Variants in PSTPIP1 observed in about 807,000 individuals in gnomAD.
PSTPIP1 encodes the protein proline-serine-threonine phosphatase interacting protein 1.
In PSTPIP1, 66 loss-of-function variants were observed where a neutral mutation model predicts 69.6. The ratio of observed to expected loss-of-function variants is 0.95; its 90% CI spans 0.78 to 1.16. The LOEUF is 1.16. Among genes scored for constraint, PSTPIP1 ranks in the 50% most tolerant of loss-of-function variants. The pLI is 0.00. For synonymous variants in PSTPIP1, 266 were observed against 222.7 expected (o/e 1.19, Z -1.73); for missense variants, 603 against 557.4 (o/e 1.08, Z -0.82).
chr15:77,028,699 G>A (rs2076345781), intron 7 of PSTPIP1, 47 bp downstream of exon 7: 1 of 1,439,672 alleles, frequency 6.9e-7, no homozygotes, highest in African/African-American at 1.4e-5. Context: ...GCTGGGGGCA[G>A]TGGGGGAGGC....
chr15:77,015,725 G>C, intron 1 of PSTPIP1: 1 of 352,892 alleles, frequency 2.8e-6, no homozygotes, highest in Non-Finnish European at 5.6e-6. Context: ...GGAAGTGGCA[G>C]GGGTGGGGGT....
In PSTPIP1 at chr15:77,027,719, G is replaced by A. The variant is rs1441592449; in HGVS notation, c.355-133G>A. On this transcript the variant is annotated intron_variant, in intron 5 of 14. Transcript: ENST00000558012. This position sits in a 1 kb window ranked among gnomAD's most constrained non-coding sequence, Gnocchi z 4.3. ...GTGAAGCAGCAGGCTCTGGGGGAGG[G>A]AGGGCAGCCTGTCACCCTCTCTCCA... 4.9e-6 allele frequency: 5 copies of A among 1,015,392 alleles called. No individual in the cohort carries two copies. The highest frequency in any genetic ancestry group is 1.4e-5 in the South Asian group (1 of 72,724). The allele number at this position is 1,015,392 out of a possible 1,614,324, so 62.9% of individuals were successfully genotyped here.
chr15:76,995,810 GTCC>G (rs1377372936), intron 1 of PSTPIP1, among the ~76,000 whole-genome samples: 3 of 152,184 alleles, frequency 2.0e-5, no homozygotes, highest in African/African-American at 7.2e-5. Context: ...GTGAATGAGC[GTCC>G]TCCTCTCTGC....
chr15:77,011,912 G>A (rs1419871363), intron 1 of PSTPIP1, among the ~76,000 whole-genome samples: 1 of 151,972 alleles, frequency 6.6e-6, no homozygotes, highest in Non-Finnish European at 1.5e-5. Flanking sequence ...CCCTGTCTCT[G>A]CCCCCATGAG....
intron 9 of PSTPIP1, 70 bp from the exon 10 acceptor site, chr15:77,031,110 G>T: frequency 7.6e-6 from 11 of 1,456,490 alleles, no homozygotes; most frequent in Non-Finnish European, 1.1e-5. Flanking sequence ...GCTGAGCTGT[G>T]AATGGGGCCC....
chr15:77,034,470 T>G (rs1020951759), intron 12 of PSTPIP1, among the ~76,000 whole-genome samples: 27 of 152,054 alleles, frequency 1.8e-4, no homozygotes, highest in African/African-American at 6.0e-4. Flanking sequence ...CACCTTGAAT[T>G]GCAGGGCTGC....
Position 77,037,282 on chromosome 15 carries a change from C to G in PSTPIP1, c.*106C>G. On this transcript the variant is annotated 3_prime_UTR_variant, in exon 15 of 15. Coordinates refer to ENST00000558012, the MANE Select transcript of PSTPIP1 (RefSeq NM_003978.5). ...CCCAGAACCAAGCGTCCCCCAGCCC[C>G]GAGAGGGAGCCTGTCGTCTCCCAGG... is the stretch of plus-strand genomic sequence containing the variant. 7.1e-7 allele frequency: 1 copy of G among 1,411,962 alleles called. No homozygotes were observed. Among genetic ancestry groups the G allele is most frequent in the Non-Finnish European group, 9.5e-7 (1 of 1,051,564 alleles). 87.5% of individuals were successfully genotyped at this position (1,411,962 alleles called of 1,614,324 possible). A position where few individuals can be genotyped will look rare whatever the true frequency, so the allele number is the denominator to read the frequency against.
chr15:76,996,230 C>G (rs2075576342), intron 1 of PSTPIP1, among the ~76,000 whole-genome samples: 1 of 152,212 alleles, frequency 6.6e-6, no homozygotes, highest in African/African-American at 2.4e-5. Flanking sequence ...TGCTTACTTT[C>G]TTAAATTCAA....
chr15:77,007,021 G>C (rs924746308), intron 1 of PSTPIP1, among the ~76,000 whole-genome samples: 2 of 152,120 alleles, frequency 1.3e-5, no homozygotes, highest in African/African-American at 4.8e-5. Flanking sequence ...GACTGGCCAC[G>C]AGTCCGTGAC....
At position 77,003,452 on chromosome 15, in the gene PSTPIP1, G is replaced by A. The variant is rs577591958; in HGVS notation, c.36+7843G>A. Among the ~76,000 whole-genome samples, 5 of 152,226 alleles carry A rather than the reference G, an allele frequency of 3.3e-5. No homozygotes were observed. The East Asian group carries it at 9.6e-4, about 29-fold the overall frequency. On this transcript the variant is annotated intron_variant, in intron 1 of 14. Coordinates refer to ENST00000558012, the MANE Select transcript of PSTPIP1 (RefSeq NM_003978.5). Reference sequence around the variant, plus strand: ...GTGGATCATCTGAGGTCAGGGGTTCGAGACCAGCCTGGCCACCATGGTGAA... The same window carrying A: ...GTGGATCATCTGAGGTCAGGGGTTCAAGACCAGCCTGGCCACCATGGTGAA...
chr15:76,999,308 T>G (rs1211565943), intron 1 of PSTPIP1, among the ~76,000 whole-genome samples: 3 of 151,798 alleles, frequency 2.0e-5, no homozygotes, highest in Non-Finnish European at 2.9e-5. Flanking sequence ...AGAAAGAATC[T>G]TACTCTGTCA....
intron 1 of PSTPIP1, among the ~76,000 whole-genome samples, chr15:76,997,038 C>T (rs543937260): frequency 6.6e-6 from 1 of 152,338 alleles, no homozygotes; most frequent in African/African-American, 2.4e-5. Context: ...CTGGGCCTGC[C>T]TTCCCTAGGG....
chr15:77,008,129 G>C (rs1374298153), intron 1 of PSTPIP1: 3 of 452,010 alleles, frequency 6.6e-6, no homozygotes, highest in Non-Finnish European at 1.3e-5. Context: ...TGTCCCTGGA[G>C]CTGCAGTGAA....
chr15:77,022,791 C>T (rs3936040), intron 3 of PSTPIP1, among the ~76,000 whole-genome samples: 26,889 of 152,152 alleles, frequency 0.18, 2,474 homozygotes, highest in South Asian at 0.21. Flanking sequence ...GTTCCAGCAA[C>T]GGGGACAGGG....
intron 8 of PSTPIP1, among the ~76,000 whole-genome samples, chr15:77,029,958 G>A (rs142709708): frequency 3.3e-5 from 5 of 152,236 alleles, no homozygotes; most frequent in Non-Finnish European, 5.9e-5. Flanking sequence ...TCCTTCACTT[G>A]ATGCCCGAAT....
chr15:77,011,078 T>A (rs2075925494), intron 1 of PSTPIP1, among the ~76,000 whole-genome samples: 1 of 152,116 alleles, frequency 6.6e-6, no homozygotes, highest in African/African-American at 2.4e-5. Flanking sequence ...TGCCTCATCA[T>A]TGAGAAGGCC....
In PSTPIP1 at chr15:77,027,873, G is replaced by C; in HGVS notation, c.376G>C (p.Val126Leu). ...GCAGTATGAGGCCGTCATGGACCGG[G>C]TCCAGAAGAGCAAGCTGTCGCTCTA... ...RKKYEAVMDR[V>L]QKSKLSLYKK... Residue 126 changes from valine to leucine, a missense_variant, in exon 6 of 15, where the codon GTC (valine) becomes CTC (leucine). Transcript: ENST00000558012. This position sits in a 1 kb window ranked among gnomAD's most constrained non-coding sequence, Gnocchi z 4.3. 6.4e-7 allele frequency: 1 copy of C among 1,569,866 alleles called. No homozygotes were observed. The highest frequency in any genetic ancestry group is 8.6e-7 in the Non-Finnish European group (1 of 1,158,300).
At chr15:77,035,150 C>T (rs538667821) in intron 12 of PSTPIP1, among the ~76,000 whole-genome samples, 1 of 152,220 alleles carries the variant, frequency 6.6e-6, no homozygotes, top group South Asian at 2.1e-4. Context: ...CCCACGAGGC[C>T]TCAGTGCGGA....
rs777927575 is a variant in PSTPIP1, at chr15:77,035,762, C to T, written c.986-40C>T. On this transcript the variant is annotated intron_variant, in intron 13 of 14. Coordinates refer to ENST00000558012, the MANE Select transcript of PSTPIP1 (RefSeq NM_003978.5). ...TAGTAGGACTTCCAGGGGCCAGTGTCCCCAGAAGGGGAGGGGTCTATGTCT... is the reference window on the plus strand; with the variant it reads ...TAGTAGGACTTCCAGGGGCCAGTGTTCCCAGAAGGGGAGGGGTCTATGTCT... The T allele has an allele frequency of 5.9e-5, 85 of 1,430,508 alleles. 1 individual carries two copies. In the East Asian group the frequency reaches 2.1e-3, roughly 36 times the overall value. 88.6% of individuals were successfully genotyped at this position (1,430,508 alleles called of 1,614,324 possible).
Sources: gnomAD v4.1 joint callset for allele counts (sites outside exome capture counted in the v4.1 genomes callset) on GRCh38, gnomAD v4.1.1 for gene constraint, Gnocchi (gnomAD v3.1) non-coding constraint, MANE v1.5 for transcripts, NCBI Gene and HGNC (gene_info 2026-07-23, HGNC 2026-07-21) for gene names.